Variants in ST3GAL3 observed in about 807,000 individuals in gnomAD.
ST3GAL3 encodes CMP-N-acetylneuraminate-beta-1,4-galactoside alpha-2,3-sialyltransferase.
A neutral mutation model predicts 50.1 loss-of-function variants in ST3GAL3; 21 were observed. The ratio of observed to expected loss-of-function variants is 0.42; its 90% CI spans 0.30 to 0.60. ST3GAL3 has a LOEUF of 0.60. Among genes scored for constraint, ST3GAL3 ranks in the 20% least tolerant of loss-of-function variants. The pLI is 0.19. For missense variants in ST3GAL3, 353 were observed against 489.4 expected (o/e 0.72, Z 2.63); for synonymous variants, 183 against 190.0 (o/e 0.96, Z 0.30).
chr1:43,912,139 G>GGACA (rs1453722572), intron 9 of ST3GAL3: 3 of 152,146 alleles, frequency 2.0e-5, no homozygotes, highest in African/African-American at 7.2e-5. Flanking sequence ...GGTGAGCAGG[G>GGACA]GACAGATGGT....
rs953664362 is a variant in ST3GAL3 at position 43,920,915 on chromosome 1, C to T, written c.1025C>T (p.Ala342Val). ...CACTACTATGAGACCGTTCGCATGG[C>T]AGCCATCAAAGAGGTTCGGGGCTGG... ...PLHYYETVRM[A>V]AIKESWTHNI... The change falls in exon 11 of 12, where the codon GCA (alanine) becomes GTA (valine). Residue 342 changes from alanine (A) to valine (V), a missense_variant. Physicochemically the swap from Ala to Val is moderately conservative, Grantham distance 64. Transcript: ENST00000347631. 2 of 1,612,916 alleles carry T rather than the reference C, an allele frequency of 1.2e-6. No individual in the cohort carries two copies. Among genetic ancestry groups the T allele is most frequent in the African/African-American group, 1.3e-5 (1 of 74,884 alleles).
intron 11 of ST3GAL3, among the ~76,000 whole-genome samples, chr1:43,927,887 G>C (rs1381822512): frequency 6.6e-6 from 1 of 152,168 alleles, no homozygotes; most frequent in African/African-American, 2.4e-5. Context: ...AGGCTGTGGA[G>C]TGTGGAATGT....
At position 43,890,271 on chromosome 1, in the gene ST3GAL3, T is replaced by C. The variant is rs190956767; in HGVS notation, c.303-4112T>C. 9.8e-5 allele frequency among the ~76,000 whole-genome samples: 15 copies of C among 152,316 alleles called. No individual in the cohort carries two copies. In the East Asian group the frequency reaches 2.7e-3, roughly 27 times the overall value. The stretch of plus-strand genomic sequence containing the variant: ...TAATTTCCGGGAATTTTCAAAATAG[T>C]ATACAAAGAAAGTGGATGGGGTATA... On this transcript the variant is annotated intron_variant, in intron 5 of 11. Transcript: ENST00000347631.
chr1:43,745,753 C>T (rs1017722704), intron 2 of ST3GAL3, among the ~76,000 whole-genome samples: 1 of 152,160 alleles, frequency 6.6e-6, no homozygotes, highest in Non-Finnish European at 1.5e-5. Flanking sequence ...CTCAGCCTCC[C>T]GAGTAGCTGG....
At chr1:43,755,197 G>C (rs1464050945) in intron 2 of ST3GAL3, among the ~76,000 whole-genome samples, 1 of 152,096 alleles carries the variant, frequency 6.6e-6, no homozygotes, top group Non-Finnish European at 1.5e-5. Context: ...GTAGAAAACA[G>C]GCAAAGAATT....
chr1:43,829,995 C>CTTT lies in ST3GAL3; in HGVS notation c.210-8196_210-8194dup, dbSNP rs71579312. On this transcript the variant is annotated intron_variant, in intron 4 of 11. Coordinates refer to ENST00000347631, the MANE Select transcript of ST3GAL3 (RefSeq NM_006279.5). ...CAACCCACTGCAAGCATAAAAATTC[C>CTTT]TTTTTTTTTTTTTTTTTTTTTTTTT... Among the ~76,000 whole-genome samples the CTTT allele has an allele frequency of 8.9e-3, 622 of 70,118 alleles. 76 individuals are homozygous for CTTT. Among genetic ancestry groups the CTTT allele is most frequent in the Non-Finnish European group, 0.01 (401 of 38,296 alleles). 46.0% of individuals were successfully genotyped at this position (70,118 alleles called of 152,430 possible). A position where few individuals can be genotyped will look rare whatever the true frequency, so the allele number is the denominator to read the frequency against.
chr1:43,840,121 G>A (rs149784901), intron 5 of ST3GAL3: 2,124 of 150,826 alleles, frequency 0.014, 26 homozygotes, highest in Non-Finnish European at 0.022. Context: ...CTTGACCTCC[G>A]GGCTCAAGCA....
chr1:43,720,797 A>G (rs1670032744), intron 1 of ST3GAL3, among the ~76,000 whole-genome samples: 1 of 152,254 alleles, frequency 6.6e-6, no homozygotes, highest in Non-Finnish European at 1.5e-5. Context: ...GTATATGCCC[A>G]AGAGTATGTC....
chr1:43,874,999 T>G (rs952147947), intron 5 of ST3GAL3, among the ~76,000 whole-genome samples: 1 of 152,140 alleles, frequency 6.6e-6, no homozygotes, highest in African/African-American at 2.4e-5. Flanking sequence ...CAGCCAGACA[T>G]ATTCAGCTGT....
At chr1:43,908,975 A>G (rs1005649985) in intron 9 of ST3GAL3, among the ~76,000 whole-genome samples, 2 of 152,266 alleles carry the variant, frequency 1.3e-5, no homozygotes, top group Admixed American at 6.5e-5. Context: ...CACTCTGGCT[A>G]TATGGACCTA....
intron 2 of ST3GAL3, among the ~76,000 whole-genome samples, chr1:43,766,474 T>G (rs1239890732): frequency 6.6e-6 from 1 of 152,188 alleles, no homozygotes; most frequent in East Asian, 1.9e-4. Context: ...AGATGGGCAC[T>G]GAAGCAGGGA....
At chr1:43,744,693 A>AAAT (rs1322561697) in intron 2 of ST3GAL3, among the ~76,000 whole-genome samples, 93 of 115,046 alleles carry the variant, frequency 8.1e-4, no homozygotes, top group African/African-American at 2.5e-3. Flanking sequence ...TAAATAAAAT[A>AAAT]AAATAAAAAA....
At chr1:43,784,445 G>A (rs894229745) in intron 2 of ST3GAL3, among the ~76,000 whole-genome samples, 2 of 152,150 alleles carry the variant, frequency 1.3e-5, no homozygotes, top group Admixed American at 1.3e-4. Flanking sequence ...GGAGGCAGAG[G>A]TTGCAGTGAG....
Position 43,899,818 on chromosome 1 carries a change from A to C in ST3GAL3, c.744+91A>C. ...CGCCCCTTGAATGCAGCAAAGAACG[A>C]GTAAGAACCTTCAAAGGAAACATTA... On this transcript the variant is annotated intron_variant, in intron 9 of 11. Coordinates refer to ENST00000347631, the MANE Select transcript of ST3GAL3 (RefSeq NM_006279.5). The surrounding 1 kb of genome is among the most constrained non-coding windows in gnomAD (Gnocchi z 5.4). 1 of 1,257,912 alleles carries C rather than the reference A, an allele frequency of 7.9e-7. No homozygotes were observed. Among genetic ancestry groups the C allele is most frequent in the Admixed American group, 1.9e-5 (1 of 53,870 alleles). The allele number at this position is 1,257,912 out of a possible 1,614,324, so 77.9% of individuals were successfully genotyped here. A position where few individuals can be genotyped will look rare whatever the true frequency, so the allele number is the denominator to read the frequency against.
intron 3 of ST3GAL3, among the ~76,000 whole-genome samples, chr1:43,800,009 C>G (rs979891087): frequency 6.6e-6 from 1 of 152,098 alleles, no homozygotes; most frequent in African/African-American, 2.4e-5. Context: ...GAGGGGGCTT[C>G]CAGGGCTCCT....
intron 1 of ST3GAL3, among the ~76,000 whole-genome samples, chr1:43,718,436 G>A (rs1169380163): frequency 1.3e-5 from 2 of 151,404 alleles, no homozygotes; most frequent in African/African-American, 2.4e-5. Flanking sequence ...TGATCCGCCC[G>A]CCTCGGCCTC....
chr1:43,715,118 G>C (rs553367974), intron 1 of ST3GAL3, among the ~76,000 whole-genome samples: 1 of 152,170 alleles, frequency 6.6e-6, no homozygotes, highest in Non-Finnish European at 1.5e-5. Flanking sequence ...AGGAAATTCT[G>C]TTACTGAGGA....
At chr1:43,763,522 C>T (rs1691353041) in intron 2 of ST3GAL3, among the ~76,000 whole-genome samples, 2 of 152,146 alleles carry the variant, frequency 1.3e-5, no homozygotes, top group Admixed American at 1.3e-4. Flanking sequence ...AGCCAATCAG[C>T]GTTGCCTTCT....
intron 2 of ST3GAL3, among the ~76,000 whole-genome samples, chr1:43,759,969 A>T (rs1397520359): frequency 1.3e-5 from 2 of 152,206 alleles, no homozygotes; most frequent in African/African-American, 4.8e-5. Flanking sequence ...TGTGGTGATG[A>T]AATGGGAAAA....
Sources: allele counts gnomAD v4.1 joint callset (sites outside exome capture counted in the v4.1 genomes callset), GRCh38; gene constraint gnomAD v4.1.1; non-coding constraint Gnocchi (gnomAD v3.1); transcripts MANE v1.5; gene names NCBI Gene and HGNC (gene_info 2026-07-23, HGNC 2026-07-21).